RNF130: variants seen among roughly 807,000 people sequenced by gnomAD.
The protein encoded by RNF130 is ring finger protein 130.
Under a neutral mutation model 44.6 loss-of-function variants are expected in RNF130, and 21 were observed. That is an observed-to-expected ratio of 0.47 (90% CI 0.33 to 0.68). The LOEUF (loss-of-function observed/expected upper bound fraction) is 0.68. Ranked by LOEUF, RNF130 falls within the 30% of genes least tolerant of loss-of-function variation. The probability of loss-of-function intolerance (pLI) is 0.02; values close to 1 mark genes in which losing one functional copy is unlikely to be tolerated. For missense variants in RNF130, 479 were observed against 560.6 expected (o/e 0.85, Z 1.47); for synonymous variants, 214 against 210.4 (o/e 1.02, Z -0.15).
At chr5:180,054,991 G>T (rs931542050) in intron 1 of RNF130, among the ~76,000 whole-genome samples, 2 of 151,750 alleles carry the variant, frequency 1.3e-5, no homozygotes, top group African/African-American at 4.8e-5. Flanking sequence ...TTTATCTATG[G>T]GTGTTCCTAA....
intron 2 of RNF130, among the ~76,000 whole-genome samples, chr5:180,015,643 GGGAAAGGAGTAGGAAAGGAGTA>G (rs141774755): frequency 1.0e-5 from 1 of 98,122 alleles, no homozygotes; most frequent in Non-Finnish European, 2.2e-5. Flanking sequence ...GAAAGGAGTA[GGGAAAGGAGTAGGAAAGGAGTA>G]GGAAAGGAGT....
rs781258036 is a variant in RNF130, at chr5:180,040,600, G to A, written c.295C>T (p.Pro99Ser). 36 of 1,614,050 alleles carry A rather than the reference G, an allele frequency of 2.2e-5. No homozygotes were observed. Among genetic ancestry groups the A allele is most frequent in the Admixed American group, 6.7e-5 (4 of 59,994 alleles). Residue 99 changes from proline to serine, a missense_variant, in exon 2 of 9, where the codon CCT becomes TCT. By Grantham distance (74) the Pro-to-Ser change is moderately conservative (BLOSUM62 -1). Transcript: ENST00000521389. The part of the protein sequence containing the change: ...CDPQTRFFVP[P>S]NIKQWIALLQ... ...AAGGCAATCCACTGTTTGATATTAG[G>A]AGGGACAAAGAACCGGGTTTGTGGA...
intron 1 of RNF130, among the ~76,000 whole-genome samples, chr5:180,063,079 T>C (rs143752255): frequency 1.2e-3 from 183 of 152,248 alleles, no homozygotes; most frequent in African/African-American, 3.7e-3. Context: ...GAACACCTCA[T>C]ACTGCACAGA....
intron 3 of RNF130, among the ~76,000 whole-genome samples, chr5:179,983,545 G>GT (rs1388223334): frequency 2.0e-5 from 3 of 152,126 alleles, no homozygotes; most frequent in African/African-American, 7.2e-5. Context: ...CTGAGGCTTT[G>GT]TAATAGATCT....
intron 2 of RNF130, among the ~76,000 whole-genome samples, chr5:180,039,687 G>A (rs1418176921): frequency 2.6e-5 from 4 of 152,186 alleles, no homozygotes; most frequent in African/African-American, 9.7e-5. Flanking sequence ...ACGATGAAAA[G>A]TTAGTTCTTT....
At chr5:180,013,361 A>G in intron 2 of RNF130, 50 bp from the exon 3 acceptor site, 1 of 1,500,446 alleles carries the variant, frequency 6.7e-7, no homozygotes, top group South Asian at 1.3e-5. Flanking sequence ...AAACTTATGG[A>G]AACATCAAAT....
intron 3 of RNF130, among the ~76,000 whole-genome samples, chr5:180,008,786 A>G (rs1763519563): frequency 1.3e-5 from 2 of 152,114 alleles, no homozygotes; most frequent in Admixed American, 6.6e-5. Context: ...CGGGAGGCAG[A>G]GGTCAGAGAA....
chr5:179,940,901 AT>A (rs1019826348), intron 7 of RNF130, among the ~76,000 whole-genome samples: 94 of 149,398 alleles, frequency 6.3e-4, no homozygotes, highest in African/African-American at 2.2e-3. Flanking sequence ...TTCTCATTTT[AT>A]TTTTTTGCTT....
rs188434929 is a variant in RNF130 at position 179,934,637 on chromosome 5, G to A, written c.1151-14211C>T. On this transcript the variant is annotated intron_variant, in intron 7 of 7. Coordinates refer to the RNF130 transcript ENST00000522208. ...TCATCATGGCTCACTGCGAACTTAT[G>A]GGTTCAAGTGATCCTGCTGCCTCAG... 3.4e-5 allele frequency among the ~76,000 whole-genome samples: 5 copies of A among 149,214 alleles called. No individual in the cohort carries two copies. In the East Asian group the frequency reaches 9.9e-4, roughly 30 times the overall value.
At chr5:180,023,673 G>C (rs1217550212) in intron 2 of RNF130, among the ~76,000 whole-genome samples, 1 of 152,198 alleles carries the variant, frequency 6.6e-6, no homozygotes, top group Non-Finnish European at 1.5e-5. Context: ...CTATAATCCA[G>C]AGTGTAAAAT....
chr5:179,951,512 T>G (rs1341436391), downstream of RNF130, among the ~76,000 whole-genome samples: 2 of 151,758 alleles, frequency 1.3e-5, no homozygotes, highest in Middle Eastern at 3.2e-3. Flanking sequence ...GCCTCCCGAG[T>G]AGCTGGGACT....
chr5:179,995,628 A>G (rs563233972), intron 3 of RNF130, among the ~76,000 whole-genome samples: 4 of 152,238 alleles, frequency 2.6e-5, no homozygotes, highest in South Asian at 4.1e-4. Flanking sequence ...TTCCTTCTCA[A>G]TGTCTCTCAG....
In RNF130 at chr5:179,978,231, T is replaced by C. The variant is rs1331273758; in HGVS notation, c.820A>G (p.Asn274Asp). The C allele has an allele frequency of 2.5e-6, 4 of 1,613,940 alleles. No individual in the cohort carries two copies. The highest frequency in any genetic ancestry group is 1.7e-6 in the Non-Finnish European group (2 of 1,179,888). The change falls in exon 5 of 9, where the codon AAT (asparagine) becomes GAT (aspartate). Residue 274 changes from asparagine to aspartate, a missense_variant. Asn to Asp is a conservative substitution (Grantham distance 23, BLOSUM62 1). Coordinates refer to ENST00000521389, the MANE Select transcript of RNF130 (RefSeq NM_018434.6). ...CAVCIESYKQNDVVRILPCKH... is the reference protein window; with the variant it reads ...CAVCIESYKQDDVVRILPCKH... ...CAGGGGAGAATTCGGACGACATCAT[T>C]CTGCTTATAGCTCTCTATGCAGACT...
At chr5:180,044,541 A>T (rs1306203983) in intron 1 of RNF130, among the ~76,000 whole-genome samples, 1 of 152,160 alleles carries the variant, frequency 6.6e-6, no homozygotes, top group African/African-American at 2.4e-5. Context: ...ACTCTTAAAG[A>T]GCCTCCACAT....
chr5:180,035,780 T>C (rs768000683), intron 2 of RNF130, among the ~76,000 whole-genome samples: 1 of 152,224 alleles, frequency 6.6e-6, no homozygotes, highest in Non-Finnish European at 1.5e-5. Context: ...AATCTGCTGT[T>C]GAAGGCCTCT....
downstream of RNF130, among the ~76,000 whole-genome samples, chr5:179,951,352 C>T (rs1329921286): frequency 6.6e-6 from 1 of 151,440 alleles, no homozygotes; most frequent in African/African-American, 2.4e-5. Context: ...CACACGTCTA[C>T]AGAACAGTCC....
intron 7 of RNF130, among the ~76,000 whole-genome samples, chr5:179,933,411 T>TGTGTGTGTGTGTGTGTGTGTGC (rs1761840787): frequency 6.6e-6 from 1 of 151,960 alleles, no homozygotes; most frequent in East Asian, 1.9e-4. Flanking sequence ...TGTGTGTGTG[T>TGTGTGTGTGTGTGTGTGTGTGC]GTGTGTGTGT....
At chr5:179,993,609 T>C (rs1055906798) in intron 3 of RNF130, among the ~76,000 whole-genome samples, 1 of 152,248 alleles carries the variant, frequency 6.6e-6, no homozygotes, top group Non-Finnish European at 1.5e-5. Context: ...AAGTTCTTTG[T>C]AGATTCTGGA....
chr5:179,972,231 C>T (rs1035311126), intron 5 of RNF130, among the ~76,000 whole-genome samples: 1 of 152,190 alleles, frequency 6.6e-6, no homozygotes, highest in Non-Finnish European at 1.5e-5. Flanking sequence ...AAGACCACAA[C>T]AGGCTTAACC....
Sources: gnomAD v4.1 joint callset for allele counts (sites outside exome capture counted in the v4.1 genomes callset) on GRCh38, gnomAD v4.1.1 for gene constraint, MANE v1.5 for transcripts, NCBI Gene and HGNC (gene_info 2026-07-23, HGNC 2026-07-21) for gene names.